The following FLNB variants were observed in gnomAD, a reference collection of about 807,000 sequenced individuals.
FLNB encodes filamin B, also known as filamin-B.
Under a neutral mutation model 250.6 loss-of-function variants are expected in FLNB, and 111 were observed. That is an observed-to-expected ratio of 0.44 (90% CI 0.38 to 0.52). FLNB has a LOEUF of 0.52. FLNB is among the 20% of genes least tolerant of loss of function. The pLI is 0.00. For missense variants in FLNB, 2,869 were observed against 3,447.8 expected (o/e 0.83, Z 4.20); for synonymous variants, 1,302 against 1,372.1 (o/e 0.95, Z 1.13).
chr3:58,055,910 C>G lies in FLNB; in HGVS notation c.293-21136C>G, dbSNP rs75448825. ...GATCTAACAGTGAGTCTAAGAACTA[C>G]TATAATTATCATGTAGCAATGGCAT... On this transcript the variant is annotated intron_variant, in intron 1 of 45. Coordinates refer to ENST00000295956, the MANE Select transcript of FLNB (RefSeq NM_001457.4). Among the ~76,000 whole-genome samples the G allele has an allele frequency of 5.0e-3, 754 of 152,040 alleles. 4 individuals carry two copies. The highest frequency in any genetic ancestry group is 0.017 in the African/African-American group (725 of 41,458).
Position 58,150,494 on chromosome 3 carries a change from T to G in FLNB, c.6367+267T>G, listed in dbSNP as rs2097343062. 7.7e-6 allele frequency: 4 copies of G among 518,490 alleles called. No individual in the cohort carries two copies. The South Asian group carries it at 8.5e-5, about 11-fold the overall frequency. The allele number at this position is 518,490 out of a possible 1,614,324, so 32.1% of individuals were successfully genotyped here. The stretch of plus-strand genomic sequence containing the variant: ...GTGTCACATGGGGGAAACGTAGATA[T>G]GCTTTTAGATTTTTAGATTAACTAT... On this transcript the variant is annotated intron_variant, in intron 38 of 45. Transcript: ENST00000295956.
At chr3:58,155,687 AC>A (rs1222727378) in intron 40 of FLNB, among the ~76,000 whole-genome samples, 1 of 152,192 alleles carries the variant, frequency 6.6e-6, no homozygotes, top group Non-Finnish European at 1.5e-5. Context: ...GAAAATTAAA[AC>A]GTAATTTTTT....
chr3:58,132,712 C>T, intron 25 of FLNB, 96 bp from the exon 26 acceptor site: 1 of 1,511,358 alleles, frequency 6.6e-7, no homozygotes, highest in Non-Finnish European at 9.2e-7. Context: ...AAACCAATAG[C>T]TCTTGGGGAT....
chr3:58,124,204 GAAA>G (rs772780634), intron 21 of FLNB, 125 bp from the exon 22 acceptor site: 1 of 973,234 alleles, frequency 1.0e-6, no homozygotes. Context: ...TTGAGAGTTA[GAAA>G]AACCAGTTTT....
intron 38 of FLNB, chr3:58,152,568 T>C: frequency 4.1e-6 from 1 of 244,726 alleles, no homozygotes; most frequent in Admixed American, 4.3e-5. Context: ...CTAATCCTAA[T>C]TGCCTCCTCA....
intron 4 of FLNB, among the ~76,000 whole-genome samples, chr3:58,086,255 C>T (rs116999380): frequency 0.01 from 1,547 of 151,786 alleles, 25 homozygotes; most frequent in East Asian, 0.054. Flanking sequence ...CCTGCCTTGG[C>T]CCCCTCAAAG....
At chr3:58,039,338 T>C (rs1400779567) in intron 1 of FLNB, among the ~76,000 whole-genome samples, 1 of 148,768 alleles carries the variant, frequency 6.7e-6, no homozygotes, top group African/African-American at 2.5e-5. Context: ...TGTAGAAAAG[T>C]GATTCCAGTC....
At chr3:58,116,515 G>T (rs13096736) in intron 18 of FLNB, among the ~76,000 whole-genome samples, 31,623 of 152,112 alleles carry the variant, frequency 0.21, 4,220 homozygotes, top group Middle Eastern at 0.35. Flanking sequence ...ACTCCACCTC[G>T]CAAAGTCCCT....
chr3:58,146,698 G>A lies in FLNB; in HGVS notation c.5555-122G>A, dbSNP rs990882909. The A allele has an allele frequency of 1.4e-5, 14 of 977,262 alleles. No homozygotes were observed. The East Asian group carries it at 1.5e-4, about 10-fold the overall frequency. The allele number at this position is 977,262 out of a possible 1,614,324, so 60.5% of individuals were successfully genotyped here. A position where few individuals can be genotyped will look rare whatever the true frequency, so the allele number is the denominator to read the frequency against. ...AGATGTCCCTTTGCCCACAGCTCAC[G>A]TGGAGTGCGTCAATCCATTGTCCCC... On this transcript the variant is annotated intron_variant, in intron 33 of 45. Transcript: ENST00000295956.
intron 33 of FLNB, among the ~76,000 whole-genome samples, chr3:58,146,522 A>G (rs1292334916): frequency 1.3e-5 from 2 of 152,146 alleles, no homozygotes; most frequent in Non-Finnish European, 2.9e-5. Flanking sequence ...ACCGTCTCCT[A>G]TGTGTAATTG....
At chr3:58,080,119 G>A (rs954838503) in intron 3 of FLNB, among the ~76,000 whole-genome samples, 11 of 152,168 alleles carry the variant, frequency 7.2e-5, no homozygotes, top group Admixed American at 2.6e-4. Context: ...ATGCCAAATC[G>A]ACACACATCC....
intron 13 of FLNB, 40 bp from the exon 14 acceptor site, chr3:58,109,139 G>C: frequency 6.2e-7 from 1 of 1,614,014 alleles, no homozygotes; most frequent in Non-Finnish European, 8.5e-7. Flanking sequence ...TAGAGACAGT[G>C]TGAGGGCCAC....
rs1259760156 is a variant in FLNB, at chr3:58,134,919, A to C, written c.4671+147A>C. Reference sequence around the variant, plus strand: ...CCCACCAAAGAGTCAGTAAATGTGCAGAAGCAGAAGCAGCTCACCTGAGAG... The same window carrying C: ...CCCACCAAAGAGTCAGTAAATGTGCCGAAGCAGAAGCAGCTCACCTGAGAG... On this transcript the variant is annotated intron_variant, in intron 27 of 45. Transcript: ENST00000295956. 11 of 727,598 alleles carry C rather than the reference A, an allele frequency of 1.5e-5. No homozygotes were observed. In the Admixed American group the frequency reaches 1.8e-4, roughly 12 times the overall value. 45.1% of individuals were successfully genotyped at this position (727,598 alleles called of 1,614,324 possible). A position where few individuals can be genotyped will look rare whatever the true frequency, so the allele number is the denominator to read the frequency against.
chr3:58,013,550 C>T (rs570135540), intron 1 of FLNB, among the ~76,000 whole-genome samples: 88 of 152,284 alleles, frequency 5.8e-4, no homozygotes, highest in Non-Finnish European at 1.1e-3. Flanking sequence ...GTTGGCCGGA[C>T]GTGGTGGCTC....
intron 1 of FLNB, among the ~76,000 whole-genome samples, chr3:58,028,798 T>A (rs1454678137): frequency 1.3e-5 from 2 of 151,260 alleles, no homozygotes; most frequent in African/African-American, 4.8e-5. Context: ...TTTTTTTTAG[T>A]GGAGGTGGGA....
chr3:58,099,685 G>A (rs888388458), intron 8 of FLNB, among the ~76,000 whole-genome samples: 3 of 152,194 alleles, frequency 2.0e-5, no homozygotes, highest in Non-Finnish European at 4.4e-5. Context: ...CCTGGACCCT[G>A]AAGCTGTTGG....
intron 4 of FLNB, among the ~76,000 whole-genome samples, chr3:58,092,956 T>C (rs904018987): frequency 2.0e-5 from 3 of 152,200 alleles, no homozygotes. Flanking sequence ...TGACACTATC[T>C]ACCTGAAGTT....
chr3:58,134,684 G>C lies in FLNB; in HGVS notation c.4583G>C (p.Ser1528Thr), dbSNP rs2097313193. 3 of 1,614,170 alleles carry C rather than the reference G, an allele frequency of 1.9e-6. No individual in the cohort carries two copies. The highest frequency in any genetic ancestry group is 4.5e-5 in the East Asian group (2 of 44,868). Residue 1528 changes from serine (S) to threonine (T), a missense_variant, in exon 27 of 46, where the codon AGT (serine) becomes ACT (threonine). By Grantham distance (58) the Ser-to-Thr change is moderately conservative. Transcript: ENST00000295956. ...SKVTASGPGL[S>T]SYGVPASLPV... ...GTGACTGCCAGTGGCCCCGGCCTTA[G>C]TTCCTATGGTGTGCCTGCCAGTCTA...
chr3:58,095,331 A>G (rs1273367300), intron 5 of FLNB, among the ~76,000 whole-genome samples: 1 of 151,994 alleles, frequency 6.6e-6, no homozygotes, highest in Non-Finnish European at 1.5e-5. Flanking sequence ...ACATTCACCT[A>G]CTGGGTTCAG....
Sources: gnomAD v4.1 joint callset for allele counts (sites outside exome capture counted in the v4.1 genomes callset) on GRCh38, gnomAD v4.1.1 for gene constraint, MANE v1.5 for transcripts, NCBI Gene and HGNC (gene_info 2026-07-23, HGNC 2026-07-21) for gene names.